Variants in SGMS2 observed in about 807,000 individuals in gnomAD.
SGMS2 encodes phosphatidylcholine:ceramide cholinephosphotransferase 2.
Under a neutral mutation model 43.8 loss-of-function variants are expected in SGMS2, and 21 were observed. The observed-to-expected ratio is 0.48, with a 90% CI of 0.34 to 0.69. The LOEUF (loss-of-function observed/expected upper bound fraction) is 0.69, where lower values mean the gene tolerates loss of function less well. SGMS2 is among the 30% of genes least tolerant of loss of function. The probability of loss-of-function intolerance (pLI) is 0.01; values close to 1 mark genes in which losing one functional copy is unlikely to be tolerated. For synonymous variants in SGMS2, 167 were observed against 160.6 expected (o/e 1.04, Z -0.30); for missense variants, 384 against 443.2 (o/e 0.87, Z 1.20).
chr4:107,856,117 C>G (rs1326095329), intron 1 of SGMS2, among the ~76,000 whole-genome samples: 1 of 152,170 alleles, frequency 6.6e-6, no homozygotes, highest in Admixed American at 6.6e-5. Flanking sequence ...GATCAAGAAA[C>G]CTTCTCTATA....
intron 6 of SGMS2, 138 bp downstream of exon 6, chr4:107,908,869 T>G (rs1731841284): frequency 1.5e-6 from 1 of 686,586 alleles, no homozygotes; most frequent in Admixed American, 3.4e-5. Context: ...ATTACTGCTT[T>G]TTAAAATAAA....
chr4:107,906,222 A>C (rs10013710), intron 5 of SGMS2, among the ~76,000 whole-genome samples: 27,110 of 151,930 alleles, frequency 0.18, 2,633 homozygotes, highest in Non-Finnish European at 0.21. Flanking sequence ...CCGCCTTTTG[A>C]TCAGTTTGGG....
intron 1 of SGMS2, among the ~76,000 whole-genome samples, chr4:107,848,903 G>T (rs1465367572): frequency 6.6e-6 from 1 of 152,060 alleles, no homozygotes; most frequent in African/African-American, 2.4e-5. Context: ...TTTTAATGGA[G>T]TCCAACTTAC....
rs1175603052 is a variant in SGMS2 at position 107,895,363 on chromosome 4, G to C, written c.-191G>C. 3.6e-6 allele frequency: 2 copies of C among 553,608 alleles called. No individual in the cohort carries two copies. Among genetic ancestry groups the C allele is most frequent in the Non-Finnish European group, 6.1e-6 (2 of 325,602 alleles). The allele number at this position is 553,608 out of a possible 1,614,324, so 34.3% of individuals were successfully genotyped here. ...GAATTGGCTTCCTTTCTTGAAAGTG[G>C]TGAAGGTACAGCATATAGCTGCATG... is the stretch of plus-strand genomic sequence containing the variant. On this transcript the variant is annotated 5_prime_UTR_variant, in exon 3 of 7. Transcript: ENST00000690982.
At chr4:107,870,165 T>C (rs1478102652) in intron 2 of SGMS2, among the ~76,000 whole-genome samples, 1 of 152,204 alleles carries the variant, frequency 6.6e-6, no homozygotes, top group Non-Finnish European at 1.5e-5. Context: ...AAAATAATCT[T>C]GTATGTAGCT....
At chr4:107,864,659 A>G (rs1009008518) in intron 2 of SGMS2, among the ~76,000 whole-genome samples, 2 of 152,238 alleles carry the variant, frequency 1.3e-5, no homozygotes, top group African/African-American at 4.8e-5. Context: ...GTATAACATG[A>G]TATAATGATT....
chr4:107,880,654 G>A (rs193025657), intron 2 of SGMS2, among the ~76,000 whole-genome samples: 5 of 152,066 alleles, frequency 3.3e-5, no homozygotes, highest in East Asian at 1.9e-4. Context: ...CCAGAGGTTC[G>A]AGATCAACCT....
At chr4:107,872,767 G>A (rs1380618902) in intron 2 of SGMS2, among the ~76,000 whole-genome samples, 4 of 152,112 alleles carry the variant, frequency 2.6e-5, no homozygotes, top group African/African-American at 9.7e-5. Context: ...AAGATAAAAA[G>A]TGAAGTAAAT....
chr4:107,875,494 G>A (rs1728842809), intron 2 of SGMS2, among the ~76,000 whole-genome samples: 1 of 152,104 alleles, frequency 6.6e-6, no homozygotes, highest in Non-Finnish European at 1.5e-5. Context: ...AAAATACACT[G>A]CTGCCCACCT....
At chr4:107,852,071 A>ATTT (rs200520406) in intron 1 of SGMS2, among the ~76,000 whole-genome samples, 1 of 143,820 alleles carries the variant, frequency 7.0e-6, no homozygotes, top group Non-Finnish European at 1.5e-5. Context: ...TGTCATAATA[A>ATTT]TTTTTTTTTT....
At chr4:107,864,807 T>C (rs1213800634) in intron 2 of SGMS2, among the ~76,000 whole-genome samples, 1 of 152,192 alleles carries the variant, frequency 6.6e-6, no homozygotes, top group Admixed American at 6.5e-5. Flanking sequence ...CTTCACTGAA[T>C]TTAATGTTGA....
At chr4:107,890,375 A>G (rs1260151434) in intron 2 of SGMS2, among the ~76,000 whole-genome samples, 3 of 152,154 alleles carry the variant, frequency 2.0e-5, no homozygotes, top group East Asian at 1.9e-4. Flanking sequence ...ACTGAGAAGA[A>G]AAAATTTAAA....
Position 107,847,572 on chromosome 4 carries a change from G to T in SGMS2, c.-326-10900G>T, listed in dbSNP as rs139535798. Among the ~76,000 whole-genome samples the T allele has an allele frequency of 0.012, 1,783 of 152,022 alleles. 77 individuals are homozygous for T. In the East Asian group the frequency reaches 0.13, roughly 11 times the overall value. The stretch of plus-strand genomic sequence containing the variant: ...TGATGCCTCCAGCTTTGTTCTTTTG[G>T]CTTAGGATTGACTTGGCGATGCGGG... On this transcript the variant is annotated intron_variant, in intron 1 of 6. Coordinates refer to ENST00000690982, the MANE Select transcript of SGMS2 (RefSeq NM_001375905.1).
chr4:107,866,177 T>C (rs1478412356), intron 2 of SGMS2, among the ~76,000 whole-genome samples: 1 of 152,214 alleles, frequency 6.6e-6, no homozygotes, highest in Non-Finnish European at 1.5e-5. Flanking sequence ...GCCATGGTTA[T>C]TGAATAAACT....
In SGMS2 at chr4:107,914,042, T is replaced by C. The variant is rs1311327303; in HGVS notation, c.*3489T>C. 6.6e-6 allele frequency: 1 copy of C among 152,106 alleles called. No individual in the cohort carries two copies. The highest frequency in any genetic ancestry group is 6.6e-5 in the Admixed American group (1 of 15,262). 9.4% of individuals were successfully genotyped at this position (152,106 alleles called of 1,614,324 possible). A position where few individuals can be genotyped will look rare whatever the true frequency, so the allele number is the denominator to read the frequency against. On this transcript the variant is annotated 3_prime_UTR_variant, in exon 7 of 7. Coordinates refer to ENST00000690982, the MANE Select transcript of SGMS2 (RefSeq NM_001375905.1). ...ACGTTTAAATCAAGCATATTATAAG[T>C]TATATGCCATGTGTTGAAGGCTTTT...
At position 107,895,866 on chromosome 4, in the gene SGMS2, C is replaced by T; in HGVS notation, c.313C>T (p.Pro105Ser). ...GATCACAGTTGTACATGAGAGGGTC[C>T]CTCCCAAGGAGCTTAGCCCTCCACT... Reference protein sequence around the residue: ...VMITVVHERVPPKELSPPLPD... With the variant: ...VMITVVHERVSPKELSPPLPD... Residue 105 changes from proline (P) to serine (S), a missense_variant, in exon 3 of 7, where the codon CCT becomes TCT. Transcript: ENST00000690982. The T allele has an allele frequency of 6.2e-7, 1 of 1,613,876 alleles. No individual in the cohort carries two copies. Among genetic ancestry groups the T allele is most frequent in the South Asian group, 1.1e-5 (1 of 91,082 alleles).
chr4:107,840,911 A>T (rs1726463777), intron 1 of SGMS2, among the ~76,000 whole-genome samples: 1 of 152,180 alleles, frequency 6.6e-6, no homozygotes, highest in Non-Finnish European at 1.5e-5. Context: ...TGGTGAAGGT[A>T]AGAGCTTGGT....
At chr4:107,875,072 A>G (rs1728807272) in intron 2 of SGMS2, among the ~76,000 whole-genome samples, 1 of 152,206 alleles carries the variant, frequency 6.6e-6, no homozygotes, top group African/African-American at 2.4e-5. Flanking sequence ...AACAACCTTA[A>G]TAGCTTTAGA....
intron 4 of SGMS2, among the ~76,000 whole-genome samples, chr4:107,900,102 G>C (rs1368981170): frequency 6.6e-6 from 1 of 152,010 alleles, no homozygotes; most frequent in African/African-American, 2.4e-5. Context: ...TGATAAGTCA[G>C]GTGATTGTCA....
Sources: gnomAD v4.1 joint callset for allele counts (sites outside exome capture counted in the v4.1 genomes callset) on GRCh38, gnomAD v4.1.1 for gene constraint, MANE v1.5 for transcripts, NCBI Gene and HGNC (gene_info 2026-07-23, HGNC 2026-07-21) for gene names.